Variants in GRIN3A observed in about 807,000 individuals in gnomAD.
GRIN3A encodes glutamate receptor ionotropic, NMDA 3A.
GRIN3A carries 47 observed loss-of-function variants against 92.4 expected under a neutral mutation model. The observed-to-expected ratio is 0.51, with a 90% CI of 0.40 to 0.65. The LOEUF (loss-of-function observed/expected upper bound fraction) is 0.65, where lower values mean the gene tolerates loss of function less well. GRIN3A is among the 30% of genes least tolerant of loss of function. The probability of loss-of-function intolerance (pLI) is 0.00; values close to 1 mark genes in which losing one functional copy is unlikely to be tolerated. For missense variants in GRIN3A, 1,324 were observed against 1,393.1 expected (o/e 0.95, Z 0.79); for synonymous variants, 527 against 540.6 (o/e 0.97, Z 0.35).
At chr9:101,716,573 G>A (rs1829950758) in intron 1 of GRIN3A, among the ~76,000 whole-genome samples, 1 of 151,988 alleles carries the variant, frequency 6.6e-6, no homozygotes, top group Admixed American at 6.6e-5. Context: ...GCTTTCACAT[G>A]AGGGTATCCA....
At chr9:101,583,279 A>G (rs949990921) in intron 6 of GRIN3A, among the ~76,000 whole-genome samples, 3 of 152,178 alleles carry the variant, frequency 2.0e-5, no homozygotes, top group Non-Finnish European at 4.4e-5. Flanking sequence ...TATTCGCTAT[A>G]ACAACTATCA....
In GRIN3A at chr9:101,584,571, C is replaced by T. The variant is rs577047762; in HGVS notation, c.2767-5211G>A. Among the ~76,000 whole-genome samples the T allele has an allele frequency of 1.2e-4, 18 of 152,192 alleles. No homozygotes were observed. The South Asian group carries it at 2.5e-3, about 21-fold the overall frequency. ...CTACAGGTGTCTAAGAGTGTTTTAG[C>T]GAATTTAGGGAAACTGCTTGAGATT... On this transcript the variant is annotated intron_variant, in intron 6 of 8. Coordinates refer to ENST00000361820, the MANE Select transcript of GRIN3A (RefSeq NM_133445.3).
At chr9:101,695,027 C>T (rs958792654) in intron 1 of GRIN3A, among the ~76,000 whole-genome samples, 24 of 152,262 alleles carry the variant, frequency 1.6e-4, no homozygotes, top group Non-Finnish European at 1.2e-4. Flanking sequence ...TATGTGAGAC[C>T]TTGTGAAAAC....
intron 3 of GRIN3A, among the ~76,000 whole-genome samples, chr9:101,653,141 A>G (rs1829035357): frequency 6.6e-6 from 1 of 151,984 alleles, no homozygotes; most frequent in South Asian, 2.1e-4. Flanking sequence ...TGGTTATTAA[A>G]ACTTCAGTCA....
At chr9:101,675,079 A>T (rs1464072289) in intron 2 of GRIN3A, among the ~76,000 whole-genome samples, 4 of 152,018 alleles carry the variant, frequency 2.6e-5, no homozygotes, top group Non-Finnish European at 4.4e-5. Flanking sequence ...CACTTACAAT[A>T]TCTTTGTCAT....
rs766679737 is a variant in GRIN3A at position 101,623,390 on chromosome 9, G to C, written c.2542C>G (p.Leu848Val). Reference protein sequence around the residue: ...KLDAFIMDKALLDYEVSIDAD... With the variant: ...KLDAFIMDKAVLDYEVSIDAD... ...TCTATTGACACTTCATAATCCAGAA[G>C]GGCTTTGTCCATGATGAAGGCGTCT... The change falls in exon 5 of 9, where the codon CTT becomes GTT. Residue 848 changes from leucine (L) to valine (V), a missense_variant. Leu to Val is a conservative substitution (Grantham distance 32). Transcript: ENST00000361820. The C allele has an allele frequency of 4.7e-5, 76 of 1,613,728 alleles. No individual in the cohort carries two copies. The highest frequency in any genetic ancestry group is 5.8e-5 in the Non-Finnish European group (69 of 1,179,752).
At chr9:101,642,402 T>C (rs1828878545) in intron 3 of GRIN3A, among the ~76,000 whole-genome samples, 1 of 152,164 alleles carries the variant, frequency 6.6e-6, no homozygotes, top group Non-Finnish European at 1.5e-5. Context: ...GAAAAGATCA[T>C]TGACATTGGT....
At chr9:101,585,752 A>C (rs776888154) in intron 6 of GRIN3A, among the ~76,000 whole-genome samples, 1 of 152,140 alleles carries the variant, frequency 6.6e-6, no homozygotes, top group Non-Finnish European at 1.5e-5. Flanking sequence ...CACCTAGATT[A>C]TTGAGACAGC....
In GRIN3A at chr9:101,737,309, A is replaced by G; in HGVS notation, c.671T>C (p.Val224Ala). 1 of 1,614,148 alleles carries G rather than the reference A, an allele frequency of 6.2e-7. No homozygotes were observed. The highest frequency in any genetic ancestry group is 8.5e-7 in the Non-Finnish European group (1 of 1,180,024). ...LVLHIPVISI[V>A]RHEFPRESQN... ...ACTCTCCCGTGGAAACTCGTGGCGC[A>G]CGATGCTGATCACTGGAATGTGCAG... The change falls in exon 1 of 9, where the codon GTG (valine) becomes GCG (alanine). Residue 224 changes from valine (V) to alanine (A), a missense_variant. By Grantham distance (64) the Val-to-Ala change is moderately conservative. Transcript: ENST00000361820.
At chr9:101,594,366 G>A in intron 6 of GRIN3A, 1 of 1,544,530 alleles carries the variant, frequency 6.5e-7, no homozygotes, top group African/African-American at 1.4e-5. Context: ...AAGAGATAGG[G>A]AAGAAAGCAG....
At chr9:101,721,128 T>C (rs1277404851) in intron 1 of GRIN3A, among the ~76,000 whole-genome samples, 1 of 152,206 alleles carries the variant, frequency 6.6e-6, no homozygotes, top group Non-Finnish European at 1.5e-5. Flanking sequence ...TGTATCTGCC[T>C]GGATTCCCAT....
intron 1 of GRIN3A, among the ~76,000 whole-genome samples, chr9:101,726,593 T>C (rs1201329475): frequency 6.6e-6 from 1 of 152,110 alleles, no homozygotes; most frequent in Non-Finnish European, 1.5e-5. Context: ...GAACTTCCTA[T>C]GGAAATGAAA....
intron 6 of GRIN3A, among the ~76,000 whole-genome samples, chr9:101,608,497 C>A (rs775149774): frequency 8.6e-5 from 13 of 151,374 alleles, no homozygotes; most frequent in Non-Finnish European, 1.9e-4. Flanking sequence ...TTCAAAACAT[C>A]TTTTTTTTTG....
intron 3 of GRIN3A, among the ~76,000 whole-genome samples, chr9:101,654,799 C>A (rs1050675401): frequency 4.0e-5 from 6 of 151,828 alleles, no homozygotes; most frequent in African/African-American, 1.2e-4. Flanking sequence ...ATATTCCATT[C>A]TTCATCGTAA....
At chr9:101,687,315 T>C (rs1829552097) in intron 1 of GRIN3A, 115 bp from the exon 2 acceptor site, 2 of 1,000,170 alleles carry the variant, frequency 2.0e-6, no homozygotes, top group African/African-American at 3.3e-5. Context: ...TGATACATAG[T>C]TCTGGGATAA....
Position 101,573,379 on chromosome 9 carries a change from A to G in GRIN3A, c.3143T>C (p.Leu1048Pro). ...AGGGAGCTCTCTTCTCCTTGGAGGG[A>G]GGGGGATGTCCTGGTGGATCCGGAT... ...LGIRIHQDIP[L>P]PPRRRELPAL... Residue 1048 changes from leucine to proline, a missense_variant, in exon 9 of 9, where the codon CTC (leucine) becomes CCC (proline). Physicochemically the swap from Leu to Pro is moderately conservative, Grantham distance 98. Coordinates refer to ENST00000361820, the MANE Select transcript of GRIN3A (RefSeq NM_133445.3). 1 of 1,613,848 alleles carries G rather than the reference A, an allele frequency of 6.2e-7. No individual in the cohort carries two copies. The highest frequency in any genetic ancestry group is 8.5e-7 in the Non-Finnish European group (1 of 1,179,944).
At chr9:101,732,195 G>A (rs376350089) in intron 1 of GRIN3A, among the ~76,000 whole-genome samples, 3 of 152,178 alleles carry the variant, frequency 2.0e-5, no homozygotes, top group African/African-American at 4.8e-5. Flanking sequence ...GAGATAAGGA[G>A]CTTAGGTCAG....
At chr9:101,655,000 C>T (rs887891457) in intron 3 of GRIN3A, among the ~76,000 whole-genome samples, 5 of 151,818 alleles carry the variant, frequency 3.3e-5, no homozygotes, top group African/African-American at 1.2e-4. Context: ...TTCCTTCCTG[C>T]CATTCTCATT....
chr9:101,657,980 A>T lies in GRIN3A; in HGVS notation c.2352+12080T>A, dbSNP rs376334905. On this transcript the variant is annotated intron_variant, in intron 3 of 8. Transcript: ENST00000361820. ...TAGCAGCAGTCTCTGCTCTTCAGTC[A>T]TGTTTGTGGTATGAGCAGCTTTTGC... 6.1e-4 allele frequency among the ~76,000 whole-genome samples: 93 copies of T among 152,046 alleles called. 1 individual carries two copies. The South Asian group carries it at 0.018, about 29-fold the overall frequency.
Sources: gnomAD v4.1 joint callset for allele counts (sites outside exome capture counted in the v4.1 genomes callset) on GRCh38, gnomAD v4.1.1 for gene constraint, MANE v1.5 for transcripts, NCBI Gene and HGNC (gene_info 2026-07-23, HGNC 2026-07-21) for gene names.